Variants in GRID2 observed in about 807,000 individuals in gnomAD.
GRID2 encodes glutamate ionotropic receptor delta type subunit 2.
Under a neutral mutation model 114.8 loss-of-function variants are expected in GRID2, and 33 were observed. The ratio of observed to expected loss-of-function variants is 0.29; its 90% CI spans 0.22 to 0.38. GRID2 has a LOEUF of 0.38. Among genes scored for constraint, GRID2 ranks in the 10% least tolerant of loss-of-function variants. The probability of loss-of-function intolerance (pLI) is 1.00; values close to 1 mark genes in which losing one functional copy is unlikely to be tolerated. For synonymous variants in GRID2, 505 were observed against 449.9 expected, an observed-to-expected ratio of 1.12 and a Z score of -1.55; for missense variants, 1,184 against 1,257.7, an observed-to-expected ratio of 0.94 and a Z score of 0.89.
intron 1 of GRID2, among the ~76,000 whole-genome samples, chr4:92,480,281 T>C (rs913649373): frequency 1.3e-5 from 2 of 152,192 alleles, no homozygotes; most frequent in South Asian, 2.1e-4. Context: ...TTTCTTATGA[T>C]AATCACAAAA....
intron 2 of GRID2, among the ~76,000 whole-genome samples, chr4:92,949,285 G>A (rs1273414549): frequency 6.6e-6 from 1 of 151,842 alleles, no homozygotes; most frequent in African/African-American, 2.4e-5. Context: ...AATTATTAAA[G>A]ATAAAATTTA....
intron 1 of GRID2, among the ~76,000 whole-genome samples, chr4:92,485,348 AGTGT>A (rs377083429): frequency 8.1e-5 from 4 of 49,514 alleles, no homozygotes; most frequent in Non-Finnish European, 1.2e-4. Flanking sequence ...ATATATATAT[AGTGT>A]GTGTGTGTGT....
intron 2 of GRID2, among the ~76,000 whole-genome samples, chr4:92,830,450 C>T (rs1198653557): frequency 2.0e-5 from 3 of 152,024 alleles, no homozygotes; most frequent in Non-Finnish European, 4.4e-5. Context: ...ATTATGGTAC[C>T]ACTTTGCTTT....
intron 1 of GRID2, among the ~76,000 whole-genome samples, chr4:92,488,185 G>A (rs1722984803): frequency 6.6e-6 from 1 of 152,114 alleles, no homozygotes; most frequent in Non-Finnish European, 1.5e-5. Flanking sequence ...CCTGTCAAAT[G>A]TTTGGTTAAA....
chr4:92,420,574 G>C (rs951366742), intron 1 of GRID2, among the ~76,000 whole-genome samples: 5 of 152,110 alleles, frequency 3.3e-5, no homozygotes, highest in South Asian at 2.1e-4. Context: ...TCAATCCCTA[G>C]TCTGTCCTTC....
intron 8 of GRID2, among the ~76,000 whole-genome samples, chr4:93,308,983 A>C (rs1350003646): frequency 6.6e-6 from 1 of 152,156 alleles, no homozygotes; most frequent in East Asian, 1.9e-4. Flanking sequence ...CACTATCTAA[A>C]ATGTTCAACT....
intron 2 of GRID2, among the ~76,000 whole-genome samples, chr4:93,003,605 T>A (rs1322211808): frequency 6.6e-6 from 1 of 152,000 alleles, no homozygotes; most frequent in African/African-American, 2.4e-5. Flanking sequence ...TGCTCTTCAA[T>A]CCTAGTTTAT....
intron 2 of GRID2, among the ~76,000 whole-genome samples, chr4:93,025,381 A>C (rs749346125): frequency 6.6e-6 from 1 of 151,788 alleles, no homozygotes; most frequent in Non-Finnish European, 1.5e-5. Flanking sequence ...CATGTTCCCT[A>C]TTCTGAACTT....
chr4:93,006,925 C>A (rs1041397397), intron 2 of GRID2, among the ~76,000 whole-genome samples: 2 of 150,930 alleles, frequency 1.3e-5, no homozygotes, highest in Non-Finnish European at 3.0e-5. Context: ...ACAACAACAA[C>A]AAAAATAAAC....
intron 14 of GRID2, among the ~76,000 whole-genome samples, chr4:93,672,698 C>T (rs1724534104): frequency 6.6e-6 from 1 of 152,158 alleles, no homozygotes; most frequent in Non-Finnish European, 1.5e-5. Flanking sequence ...AAATCCCAAC[C>T]ATTTCTTCAT....
intron 1 of GRID2, among the ~76,000 whole-genome samples, chr4:92,380,572 ATATT>A (rs1201442282): frequency 6.6e-6 from 1 of 152,020 alleles, no homozygotes; most frequent in African/African-American, 2.4e-5. Context: ...TGTTGCATAT[ATATT>A]CGTTAGCTGC....
intron 3 of GRID2, among the ~76,000 whole-genome samples, chr4:93,088,573 C>T (rs1289695128): frequency 2.6e-5 from 4 of 152,054 alleles, no homozygotes; most frequent in Non-Finnish European, 5.9e-5. Flanking sequence ...AATGACTTCA[C>T]TCTTGATTAT....
chr4:92,556,511 A>C (rs1224734241), intron 1 of GRID2, among the ~76,000 whole-genome samples: 1 of 152,094 alleles, frequency 6.6e-6, no homozygotes, highest in Admixed American at 6.6e-5. Flanking sequence ...TATATAACAA[A>C]TTACCCCAAA....
At chr4:92,669,438 G>A (rs1272786774) in intron 2 of GRID2, among the ~76,000 whole-genome samples, 1 of 151,988 alleles carries the variant, frequency 6.6e-6, no homozygotes, top group Non-Finnish European at 1.5e-5. Flanking sequence ...CAGAGTAACT[G>A]CAGGCAGAAG....
At chr4:93,359,759 CATCATGG>C (rs1761704997) in intron 8 of GRID2, among the ~76,000 whole-genome samples, 1 of 124,184 alleles carries the variant, frequency 8.1e-6, no homozygotes, top group African/African-American at 3.0e-5. Context: ...GTAGCTCCAA[CATCATGG>C]ATAGCGCTAC....
At chr4:93,653,453 A>G (rs1309942836) in intron 14 of GRID2, among the ~76,000 whole-genome samples, 1 of 152,174 alleles carries the variant, frequency 6.6e-6, no homozygotes, top group Non-Finnish European at 1.5e-5. Flanking sequence ...TAAGAAGAAC[A>G]TGGATTGAGG....
intron 2 of GRID2, among the ~76,000 whole-genome samples, chr4:92,817,508 A>G (rs1050353202): frequency 2.0e-4 from 31 of 152,282 alleles, no homozygotes; most frequent in Middle Eastern, 6.8e-3. Context: ...TCATAAGGCC[A>G]TATCTCCTCA....
intron 8 of GRID2, among the ~76,000 whole-genome samples, chr4:93,263,437 T>A (rs138145797): frequency 3.3e-5 from 5 of 152,166 alleles, no homozygotes; most frequent in African/African-American, 1.2e-4. Context: ...GATTTTTTTT[T>A]GTATGGCATT....
intron 2 of GRID2, among the ~76,000 whole-genome samples, chr4:92,998,804 T>A (rs1755361304): frequency 6.6e-6 from 1 of 151,376 alleles, no homozygotes; most frequent in South Asian, 2.1e-4. Flanking sequence ...GGCGTTTTAT[T>A]TATGTTAAAG....
Sources: allele counts gnomAD v4.1 joint callset (sites outside exome capture counted in the v4.1 genomes callset), GRCh38; gene constraint gnomAD v4.1.1; transcripts MANE v1.5; gene names NCBI Gene and HGNC (gene_info 2026-07-23, HGNC 2026-07-21).